Variants in MARCHF6 observed in about 807,000 individuals in gnomAD.
MARCHF6 encodes E3 ubiquitin-protein ligase MARCHF6.
Under a neutral mutation model 133.7 loss-of-function variants are expected in MARCHF6, and 31 were observed. That is an observed-to-expected ratio of 0.23 (90% CI 0.17 to 0.31). The LOEUF (loss-of-function observed/expected upper bound fraction) is 0.31, where lower values mean the gene tolerates loss of function less well. Among genes scored for constraint, MARCHF6 ranks in the 10% least tolerant of loss-of-function variants. The pLI is 1.00. For synonymous variants in MARCHF6, 395 were observed against 402.5 expected, an observed-to-expected ratio of 0.98 and a Z score of 0.22; for missense variants, 723 against 1,121.6, an observed-to-expected ratio of 0.64 and a Z score of 5.08.
At chr5:10,360,953 T>G (rs1006502863) in intron 1 of MARCHF6, among the ~76,000 whole-genome samples, 1 of 152,244 alleles carries the variant, frequency 6.6e-6, no homozygotes, top group South Asian at 2.1e-4. Flanking sequence ...GTTTTACTTC[T>G]GTCCTGTAAG....
intron 9 of MARCHF6, among the ~76,000 whole-genome samples, chr5:10,396,321 CTTTCTTAGTGGAATGGAGT>C (rs1386884157): frequency 1.3e-5 from 2 of 152,082 alleles, no homozygotes; most frequent in Non-Finnish European, 2.9e-5. Flanking sequence ...TTGATTAGGT[CTTTCTTAGTGGAATGGAGT>C]TTGTCAGCAG....
chr5:10,354,001 G>A (rs1735271869), intron 1 of MARCHF6, 84 bp downstream of exon 1: 1 of 1,376,516 alleles, frequency 7.3e-7, no homozygotes, highest in South Asian at 1.4e-5. Flanking sequence ...CTCGAGGTGG[G>A]CTGCTGGATC....
chr5:10,402,436 G>C lies in MARCHF6; in HGVS notation c.1106G>C (p.Cys369Ser). The change falls in exon 13 of 26, where the codon TGC becomes TCC. Residue 369 changes from cysteine to serine, a missense_variant. By Grantham distance (112) the Cys-to-Ser change is moderately radical. Transcript: ENST00000274140. ...FHRSRRLLGV[C>S]YIVVKVSLLV... Reference sequence around the variant, plus strand: ...AGATCTCGTCGCTTACTGGGAGTCTGCTATATTGTTGTTAAGGTAATTCCT... The same window carrying C: ...AGATCTCGTCGCTTACTGGGAGTCTCCTATATTGTTGTTAAGGTAATTCCT... The C allele has an allele frequency of 6.2e-7, 1 of 1,613,900 alleles. No homozygotes were observed. The highest frequency in any genetic ancestry group is 8.5e-7 in the Non-Finnish European group (1 of 1,179,862).
intron 17 of MARCHF6, among the ~76,000 whole-genome samples, chr5:10,408,448 C>G (rs1033419587): frequency 6.6e-6 from 1 of 152,184 alleles, no homozygotes; most frequent in African/African-American, 2.4e-5. Context: ...AGCTGTTTGT[C>G]TTTTTCTCTC....
chr5:10,439,868 C>T lies in MARCHF6; in HGVS notation c.*6184C>T, dbSNP rs1740791700. ...ACCCTGCTCCTGCCGTCCTCCCTGCCTCCAAAACAGGTCAGGCCTTCGTGC... is the reference window on the plus strand; with the variant it reads ...ACCCTGCTCCTGCCGTCCTCCCTGCTTCCAAAACAGGTCAGGCCTTCGTGC... On this transcript the variant is annotated 3_prime_UTR_variant, in exon 26 of 26. Transcript: ENST00000274140. The T allele has an allele frequency of 1.3e-5, 2 of 152,648 alleles. No homozygotes were observed. Among genetic ancestry groups the T allele is most frequent in the South Asian group, 4.1e-4 (2 of 4,832 alleles). 9.5% of individuals were successfully genotyped at this position (152,648 alleles called of 1,614,324 possible). A position where few individuals can be genotyped will look rare whatever the true frequency, so the allele number is the denominator to read the frequency against.
At chr5:10,392,220 T>C (rs1737903736) in intron 7 of MARCHF6, among the ~76,000 whole-genome samples, 1 of 152,194 alleles carries the variant, frequency 6.6e-6, no homozygotes, top group Non-Finnish European at 1.5e-5. Flanking sequence ...GCCTCCAAAG[T>C]GCTGGGATTA....
At chr5:10,428,289 T>C (rs1425233269) in intron 24 of MARCHF6, among the ~76,000 whole-genome samples, 2 of 151,798 alleles carry the variant, frequency 1.3e-5, no homozygotes, top group African/African-American at 2.4e-5. Flanking sequence ...AATGCAAATA[T>C]ATATTTCCTG....
Position 10,353,868 on chromosome 5 carries a change from TG to T in MARCHF6, c.-29del. 2 of 1,556,616 alleles carry T rather than the reference TG, an allele frequency of 1.3e-6. No individual in the cohort carries two copies. Among genetic ancestry groups the T allele is most frequent in the Non-Finnish European group, 8.7e-7 (1 of 1,154,990 alleles). Reference sequence around the variant, plus strand: ...TCCCCGCCCGGCCGCGGGAGCCTCGTGGCTGCGTCACCGCCGCCCCCCCAGA... The same window carrying T: ...TCCCCGCCCGGCCGCGGGAGCCTCGTGCTGCGTCACCGCCGCCCCCCCAGA... On this transcript the variant is annotated 5_prime_UTR_variant, in exon 1 of 26. Transcript: ENST00000274140.
At chr5:10,423,901 C>T (rs1272765747) in intron 23 of MARCHF6, 77 bp downstream of exon 23, 4 of 974,186 alleles carry the variant, frequency 4.1e-6, no homozygotes, top group African/African-American at 3.4e-5. Flanking sequence ...ACTCTTATTT[C>T]TTATCTTCCT....
intron 3 of MARCHF6, among the ~76,000 whole-genome samples, chr5:10,380,579 G>C (rs1329836830): frequency 6.6e-6 from 1 of 152,068 alleles, no homozygotes; most frequent in Non-Finnish European, 1.5e-5. Context: ...ACTTGCTCTT[G>C]TATACCAGAT....
intron 1 of MARCHF6, among the ~76,000 whole-genome samples, chr5:10,373,664 C>A (rs1320239488): frequency 6.6e-6 from 1 of 152,148 alleles, no homozygotes; most frequent in East Asian, 1.9e-4. Context: ...TGGAGGGCAG[C>A]GTCCCACGGG....
rs764213429 is a variant in MARCHF6, at chr5:10,426,527, G to A, written c.2506+5G>A. ...CTGGTGTTGTTCCTTTACTAGGTACGTAATGCTGGTTGTGGAGCCTTGAAG... is the reference window on the plus strand; with the variant it reads ...CTGGTGTTGTTCCTTTACTAGGTACATAATGCTGGTTGTGGAGCCTTGAAG... On this transcript the variant is annotated splice_donor_5th_base_variant and intron_variant, in intron 24 of 25. Coordinates refer to ENST00000274140, the MANE Select transcript of MARCHF6 (RefSeq NM_005885.4). 2 of 1,613,348 alleles carry A rather than the reference G, an allele frequency of 1.2e-6. No individual in the cohort carries two copies. The highest frequency in any genetic ancestry group is 4.5e-5 in the East Asian group (2 of 44,858).
Position 10,353,809 on chromosome 5 carries a change from G to T in MARCHF6, c.-90G>T. 8.2e-7 allele frequency: 1 copy of T among 1,213,382 alleles called. No individual in the cohort carries two copies. The allele number at this position is 1,213,382 out of a possible 1,614,324, so 75.2% of individuals were successfully genotyped here. The stretch of plus-strand genomic sequence containing the variant: ...CGCACCTGAGCGTACGCACCTGCCC[G>T]GGCCCGGCTCCCTCCTCCTCTCCCC... On this transcript the variant is annotated 5_prime_UTR_variant, in exon 1 of 26. Transcript: ENST00000274140.
intron 1 of MARCHF6, among the ~76,000 whole-genome samples, chr5:10,357,601 C>T (rs1735555621): frequency 6.6e-6 from 1 of 152,136 alleles, no homozygotes. Flanking sequence ...TTGTCAGAAT[C>T]AGACAGCTAG....
At chr5:10,420,357 G>A (rs955362365) in intron 22 of MARCHF6, among the ~76,000 whole-genome samples, 1 of 152,112 alleles carries the variant, frequency 6.6e-6, no homozygotes, top group South Asian at 2.1e-4. Flanking sequence ...TTACATTGCA[G>A]TGTGAAAGTG....
chr5:10,368,773 A>G (rs377387179), intron 1 of MARCHF6, among the ~76,000 whole-genome samples: 6 of 151,764 alleles, frequency 4.0e-5, no homozygotes, highest in African/African-American at 1.5e-4. Context: ...GTGTTTCACC[A>G]TGTTGGCCAG....
intron 14 of MARCHF6, 81 bp from the exon 15 acceptor site, chr5:10,403,325 AT>A: frequency 7.2e-7 from 1 of 1,387,852 alleles, no homozygotes; most frequent in South Asian, 1.4e-5. Flanking sequence ...CATATTGATT[AT>A]TTATTTCCTA....
At position 10,353,895 on chromosome 5, in the gene MARCHF6, C is replaced by A; in HGVS notation, c.-4C>A. On this transcript the variant is annotated 5_prime_UTR_variant, in exon 1 of 26. Transcript: ENST00000274140. ...GCTGCGTCACCGCCGCCCCCCCAGA[C>A]AAGATGGACACCGCGGAGGAAGGTA... 2 of 1,565,560 alleles carry A rather than the reference C, an allele frequency of 1.3e-6. No homozygotes were observed. Among genetic ancestry groups the A allele is most frequent in the African/African-American group, 1.4e-5 (1 of 73,024 alleles).
At chr5:10,363,311 G>A (rs1029826994) in intron 1 of MARCHF6, among the ~76,000 whole-genome samples, 1 of 152,168 alleles carries the variant, frequency 6.6e-6, no homozygotes, top group African/African-American at 2.4e-5. Context: ...TCAGAACTCA[G>A]TAATAAGAAA....
Sources: gnomAD v4.1 joint callset for allele counts (sites outside exome capture counted in the v4.1 genomes callset) on GRCh38, gnomAD v4.1.1 for gene constraint, MANE v1.5 for transcripts, NCBI Gene and HGNC (gene_info 2026-07-23, HGNC 2026-07-21) for gene names.